Variants in FAM228B observed in about 807,000 individuals in gnomAD.
The protein encoded by FAM228B is protein FAM228B.
A neutral mutation model predicts 42.6 loss-of-function variants in FAM228B; 38 were observed. The observed-to-expected ratio is 0.89, with a 90% CI of 0.69 to 1.17. FAM228B has a LOEUF of 1.17. Among genes scored for constraint, FAM228B ranks in the 50% most tolerant of loss-of-function variants. The pLI, the probability that FAM228B is intolerant of heterozygous loss-of-function variation, is 0.00. For missense variants in FAM228B, 344 were observed against 367.3 expected (o/e 0.94, Z 0.52); for synonymous variants, 109 against 122.3 (o/e 0.89, Z 0.72).
intron 5 of FAM228B, among the ~76,000 whole-genome samples, chr2:24,142,258 C>CT (rs1413110018): frequency 6.6e-6 from 1 of 152,216 alleles, no homozygotes; most frequent in Non-Finnish European, 1.5e-5. Flanking sequence ...CATCTTGCCT[C>CT]TTATTTCAAC....
intron 3 of FAM228B, among the ~76,000 whole-genome samples, chr2:24,105,705 G>T (rs960555072): frequency 6.6e-6 from 1 of 152,172 alleles, no homozygotes; most frequent in African/African-American, 2.4e-5. Flanking sequence ...ATCCAAGGAA[G>T]CTAATAATCA....
intron 7 of FAM228B, among the ~76,000 whole-genome samples, chr2:24,157,510 G>C (rs1040238777): frequency 1.3e-5 from 2 of 152,112 alleles, no homozygotes; most frequent in African/African-American, 2.4e-5. Flanking sequence ...GGCTGAGGCG[G>C]GTGGATGACC....
At position 24,146,798 on chromosome 2, in the gene FAM228B, G is replaced by C; in HGVS notation, c.492G>C (p.Lys164Asn). Residue 164 changes from lysine (K) to asparagine (N), a missense_variant, in exon 6 of 11, where the codon AAG becomes AAC. By Grantham distance (94) the Lys-to-Asn change is moderately conservative. Transcript: ENST00000615575. ...CTTTGAAAAAAGCACAATATGACAA[G>C]GATAACGAAAAAAGAACTCTTCTTC... is the stretch of plus-strand genomic sequence containing the variant. ...HDPLKKAQYD[K>N]DNEKRTLLQC... 6.5e-7 allele frequency: 1 copy of C among 1,549,782 alleles called. No individual in the cohort carries two copies. Among genetic ancestry groups the C allele is most frequent in the Non-Finnish European group, 8.7e-7 (1 of 1,145,868 alleles).
At chr2:24,121,063 T>A (rs568212772), upstream of FAM228B, 2 of 1,456,458 alleles carry the variant, frequency 1.4e-6, no homozygotes, top group East Asian at 4.6e-5. Context: ...AAGACATTAA[T>A]GGATTTAATC....
chr2:24,090,349 AG>A (rs763114915), intron 2 of FAM228B, among the ~76,000 whole-genome samples: 2 of 152,152 alleles, frequency 1.3e-5, no homozygotes, highest in Non-Finnish European at 2.9e-5. Flanking sequence ...TGAGAGGCCA[AG>A]GGGGGAGCAG....
At chr2:24,090,849 G>A (rs1665374259) in intron 2 of FAM228B, among the ~76,000 whole-genome samples, 1 of 152,132 alleles carries the variant, frequency 6.6e-6, no homozygotes, top group Admixed American at 6.6e-5. Context: ...GGAGTGCAGT[G>A]TTGTGATCAC....
upstream of FAM228B, chr2:24,123,101 A>G: frequency 6.6e-6 from 1 of 151,960 alleles, no homozygotes; most frequent in East Asian, 1.9e-4. Context: ...CAAGCCTTGG[A>G]CCCCCCTCAT....
intron 3 of FAM228B, among the ~76,000 whole-genome samples, chr2:24,105,263 C>A (rs867654097): frequency 6.6e-6 from 1 of 152,168 alleles, no homozygotes; most frequent in South Asian, 2.1e-4. Context: ...GTGGCCCTTG[C>A]CTAAGGGAGC....
chr2:24,109,375 C>T (rs1383505444), intron 3 of FAM228B, among the ~76,000 whole-genome samples: 1 of 152,088 alleles, frequency 6.6e-6, no homozygotes, highest in Admixed American at 6.6e-5. Context: ...CCATTCTGGA[C>T]ATAGGACTTG....
chr2:24,152,160 C>T (rs112622157), intron 7 of FAM228B, among the ~76,000 whole-genome samples: 5,272 of 152,308 alleles, frequency 0.035, 123 homozygotes, highest in Non-Finnish European at 0.055. Flanking sequence ...TGAGCCACCA[C>T]GCCCAGACAA....
chr2:24,161,862 G>C (rs1177821132), intron 8 of FAM228B, among the ~76,000 whole-genome samples: 1 of 152,244 alleles, frequency 6.6e-6, no homozygotes, highest in African/African-American at 2.4e-5. Flanking sequence ...ACTTTGGGAG[G>C]CCGAGGCGGG....
intron 7 of FAM228B, among the ~76,000 whole-genome samples, chr2:24,160,009 G>A (rs1012373623): frequency 2.1e-5 from 3 of 144,450 alleles, no homozygotes; most frequent in Non-Finnish European, 4.5e-5. Flanking sequence ...TTTTTTTTGA[G>A]ACAGGGTCTC....
Position 24,088,612 on chromosome 2 carries a change from A to G in FAM228B, c.-209-6529A>G, listed in dbSNP as rs150988019. ...GAGATCCACCTGCTTCGGCCTCCCAAAGTGTTGCGATTACAGGCGTGAGCC... is the reference window on the plus strand; with the variant it reads ...GAGATCCACCTGCTTCGGCCTCCCAGAGTGTTGCGATTACAGGCGTGAGCC... On this transcript the variant is annotated intron_variant, in intron 2 of 10. Transcript: ENST00000613899. Among the ~76,000 whole-genome samples, 215 of 152,246 alleles carry G rather than the reference A, an allele frequency of 1.4e-3. 2 individuals are homozygous for G. Among genetic ancestry groups the G allele is most frequent in the African/African-American group, 5.0e-3 (207 of 41,554 alleles).
rs1264627236 is a variant in FAM228B at position 24,084,248 on chromosome 2, C to T, written c.-210+3293C>T. The T allele has an allele frequency of 6.2e-7, 1 of 1,614,058 alleles. No homozygotes were observed. Among genetic ancestry groups the T allele is most frequent in the South Asian group, 1.1e-5 (1 of 91,084 alleles). On this transcript the variant is annotated intron_variant, in intron 2 of 10. Coordinates refer to the FAM228B transcript ENST00000613899. This position sits in a 1 kb window ranked among gnomAD's most constrained non-coding sequence, Gnocchi z 8.4. ...GCCACCTTCAGGAGGACTTCACCCT[C>T]CCCCGGGCTCGGCTTGGCCACCTCC...
At chr2:24,134,008 C>T (rs1486043307) in intron 2 of FAM228B, among the ~76,000 whole-genome samples, 1 of 152,116 alleles carries the variant, frequency 6.6e-6, no homozygotes, top group African/African-American at 2.4e-5. Context: ...TATGTCAATA[C>T]TGTCTAAGAA....
chr2:24,151,760 G>C (rs974435581), intron 7 of FAM228B, among the ~76,000 whole-genome samples: 1 of 151,860 alleles, frequency 6.6e-6, no homozygotes, highest in Non-Finnish European at 1.5e-5. Flanking sequence ...TCGGCTCACT[G>C]TAACCTCCGC....
chr2:24,161,591 G>C lies in FAM228B; in HGVS notation c.772G>C (p.Glu258Gln), dbSNP rs1420441065. ...TCCTTATCTTTTGGAATCCCAGGAA[G>C]AAGAAAAAACAGTTATTTACAAGTA... The part of the protein sequence containing the change: ...RAPYLLESQE[E>Q]EKTVIYKNKG... Residue 258 changes from glutamate to glutamine, a missense_variant, in exon 8 of 11, where the codon GAA (glutamate) becomes CAA (glutamine). By Grantham distance (29) the Glu-to-Gln change is conservative (BLOSUM62 2). Transcript: ENST00000615575. 1.3e-6 allele frequency: 2 copies of C among 1,541,794 alleles called. No homozygotes were observed. Among genetic ancestry groups the C allele is most frequent in the Admixed American group, 3.9e-5 (2 of 50,708 alleles).
At chr2:24,121,111 G>A (rs1666100846), upstream of FAM228B, 1 of 1,600,532 alleles carries the variant, frequency 6.2e-7, no homozygotes. Flanking sequence ...AAGGAAATTT[G>A]GAGGCAAATT....
At chr2:24,166,727 A>AC (rs1638544913) in intron 9 of FAM228B, among the ~76,000 whole-genome samples, 4 of 152,000 alleles carry the variant, frequency 2.6e-5, no homozygotes, top group Non-Finnish European at 5.9e-5. Context: ...AGAGTGGGGG[A>AC]CGAATGAAGA....
Sources: allele counts gnomAD v4.1 joint callset (sites outside exome capture counted in the v4.1 genomes callset), GRCh38; gene constraint gnomAD v4.1.1; non-coding constraint Gnocchi (gnomAD v3.1); transcripts MANE v1.5; gene names NCBI Gene and HGNC (gene_info 2026-07-23, HGNC 2026-07-21).